Variants in ANLN observed in about 807,000 individuals in gnomAD.
ANLN encodes anillin, actin binding protein.
A neutral mutation model predicts 135.1 loss-of-function variants in ANLN; 59 were observed. The ratio of observed to expected loss-of-function variants is 0.44; its 90% confidence interval spans 0.35 to 0.54. The LOEUF is 0.54. ANLN is among the 20% of genes least tolerant of loss of function. The pLI is 0.00. For missense variants in ANLN, 1,182 were observed against 1,340.0 expected, an observed-to-expected ratio of 0.88 and a Z score of 1.84; for synonymous variants, 406 against 456.4, an observed-to-expected ratio of 0.89 and a Z score of 1.41.
At chr7:36,451,063 A>T (rs1244733558) in intron 23 of ANLN, among the ~76,000 whole-genome samples, 1 of 152,208 alleles carries the variant, frequency 6.6e-6, no homozygotes, top group Non-Finnish European at 1.5e-5. Context: ...AGAGTAGTAC[A>T]TTCTCAATTC....
chr7:36,422,544 A>G (rs1247677248), intron 13 of ANLN, 89 bp from the exon 14 acceptor site: 3 of 1,162,554 alleles, frequency 2.6e-6, no homozygotes, highest in Non-Finnish European at 3.6e-6. Context: ...TGTTACGTAC[A>G]GTTTCCATAT....
chr7:36,446,960 G>A (rs1789026541), intron 22 of ANLN, among the ~76,000 whole-genome samples: 1 of 152,148 alleles, frequency 6.6e-6, no homozygotes, highest in African/African-American at 2.4e-5. Flanking sequence ...ATGGAGTAAT[G>A]TATAGTAGTT....
chr7:36,413,841 A>AAAATTAGCCAGGC (rs1233753199), intron 7 of ANLN, among the ~76,000 whole-genome samples: 2 of 152,088 alleles, frequency 1.3e-5, no homozygotes, highest in African/African-American at 4.8e-5. Flanking sequence ...AAATACAAAA[A>AAAATTAGCCAGGC]AAATTAGCCA....
chr7:36,417,200 T>C lies in ANLN; in HGVS notation c.1633+10T>C. ...GTTGAGCAGAAAATTGGTTGGTTTT[T>C]ATTCTTTATTTATTATTAACTTTGC... On this transcript the variant is annotated intron_variant, in intron 9 of 23. Transcript: ENST00000265748. 1 of 1,474,658 alleles carries C rather than the reference T, an allele frequency of 6.8e-7. No individual in the cohort carries two copies. Among genetic ancestry groups the C allele is most frequent in the African/African-American group, 1.4e-5 (1 of 71,098 alleles). 91.3% of individuals were successfully genotyped at this position (1,474,658 alleles called of 1,614,324 possible). A position where few individuals can be genotyped will look rare whatever the true frequency, so the allele number is the denominator to read the frequency against.
In ANLN at chr7:36,406,434, G is replaced by T. The variant is rs771789004; in HGVS notation, c.741G>T (p.Arg247Ser). ...KFSSASGASA[R>S]INSSSVKQEA... ...CCTCTGCAAGTGGAGCATCTGCTAG[G>T]ATCAATAGCAGCAGTGTTAAGCAGG... The change falls in exon 4 of 24, where the codon AGG becomes AGT. Residue 247 changes from arginine (R) to serine (S), a missense_variant. By Grantham distance (110) the Arg-to-Ser change is moderately radical (BLOSUM62 -1). Around this residue, in one of 3 missense-constraint regions of ANLN, gnomAD observed 1,022 missense variants for 1,134.0 expected, o/e 0.90. Transcript: ENST00000265748. 6.2e-7 allele frequency: 1 copy of T among 1,613,526 alleles called. No individual in the cohort carries two copies. The highest frequency in any genetic ancestry group is 1.7e-5 in the Admixed American group (1 of 60,002).
Position 36,415,897 on chromosome 7 carries a change from A to G in ANLN, c.1522+13A>G, listed in dbSNP as rs1405737657. On this transcript the variant is annotated intron_variant, in intron 8 of 23. Coordinates refer to ENST00000265748, the MANE Select transcript of ANLN (RefSeq NM_018685.5). ...ACAGAACCTAAAGGTCAGTGTTTCC[A>G]GATTGTTCATGGTTAGTATGTAGAA... 3.2e-6 allele frequency: 5 copies of G among 1,569,220 alleles called. No homozygotes were observed. The highest frequency in any genetic ancestry group is 1.2e-5 in the South Asian group (1 of 83,314).
intron 2 of ANLN, 48 bp from the exon 3 acceptor site, chr7:36,399,031 G>A (rs557548095): frequency 2.7e-6 from 4 of 1,499,442 alleles, no homozygotes; most frequent in Middle Eastern, 1.9e-4. Flanking sequence ...AGTTTTTCAT[G>A]TGAGAAATTA....
intron 1 of ANLN, chr7:36,390,411 G>T: frequency 3.4e-6 from 1 of 291,866 alleles, no homozygotes; most frequent in Non-Finnish European, 6.5e-6. Flanking sequence ...ATGCCCTGCA[G>T]GGCGGGGTCC....
At chr7:36,414,728 T>A (rs536828936) in intron 7 of ANLN, among the ~76,000 whole-genome samples, 1 of 152,242 alleles carries the variant, frequency 6.6e-6, no homozygotes, top group Non-Finnish European at 1.5e-5. Flanking sequence ...TATTTTTTAA[T>A]CCACTCATCT....
At chr7:36,418,790 G>A (rs1260438674) in intron 9 of ANLN, among the ~76,000 whole-genome samples, 1 of 122,654 alleles carries the variant, frequency 8.2e-6, no homozygotes. Context: ...TTTCACTCTT[G>A]TCCCCCAGGC....
Position 36,389,872 on chromosome 7 carries a change from C to T in ANLN, c.-155C>T, listed in dbSNP as rs945979002. The T allele has an allele frequency of 7.3e-6, 10 of 1,373,038 alleles. No homozygotes were observed. Among genetic ancestry groups the T allele is most frequent in the East Asian group, 2.4e-5 (1 of 42,454 alleles). The allele number at this position is 1,373,038 out of a possible 1,614,324, so 85.1% of individuals were successfully genotyped here. ...ACGGCTGCAGAGGCCGAGTCCGTCA[C>T]TGGAAGCCGAGAGGAGAGGACAGCT... is the stretch of plus-strand genomic sequence containing the variant. On this transcript the variant is annotated 5_prime_UTR_variant, in exon 1 of 24. Transcript: ENST00000265748.
At chr7:36,410,339 T>C (rs1399029553) in intron 5 of ANLN, among the ~76,000 whole-genome samples, 175 bp from the exon 6 acceptor site, 2 of 152,120 alleles carry the variant, frequency 1.3e-5, no homozygotes, top group East Asian at 3.8e-4. Context: ...TGTACTTAAA[T>C]AGAATAGTAA....
At chr7:36,408,317 C>T (rs1787274802) in intron 5 of ANLN, among the ~76,000 whole-genome samples, 1 of 152,084 alleles carries the variant, frequency 6.6e-6, no homozygotes, top group South Asian at 2.1e-4. Context: ...CAGAGCAGTG[C>T]TTCTCAATCT....
At chr7:36,414,869 A>G (rs2116625640) in intron 7 of ANLN, among the ~76,000 whole-genome samples, 1 of 152,306 alleles carries the variant, frequency 6.6e-6, no homozygotes, top group Middle Eastern at 3.4e-3. Context: ...AACTGTGTGC[A>G]AGATACTTAA....
chr7:36,406,593 G>A, intron 4 of ANLN, 27 bp downstream of exon 4: 1 of 1,467,864 alleles, frequency 6.8e-7, no homozygotes, highest in Non-Finnish European at 9.0e-7. Context: ...TTGGTCTTTG[G>A]AAGCCTTTTC....
At chr7:36,437,836 A>G (rs561143587) in intron 20 of ANLN, among the ~76,000 whole-genome samples, 1 of 152,242 alleles carries the variant, frequency 6.6e-6, no homozygotes, top group East Asian at 1.9e-4. Context: ...CAATGGCACA[A>G]TCTTGGCACA....
intron 22 of ANLN, among the ~76,000 whole-genome samples, chr7:36,446,170 G>T (rs1047040604): frequency 3.3e-5 from 5 of 152,130 alleles, no homozygotes; most frequent in African/African-American, 1.2e-4. Flanking sequence ...AAGGTAATCA[G>T]ACCTGCTAGT....
At chr7:36,422,525 C>T (rs1029306544) in intron 13 of ANLN, 108 bp from the exon 14 acceptor site, 62 of 934,840 alleles carry the variant, frequency 6.6e-5, no homozygotes, top group Non-Finnish European at 9.2e-5. Flanking sequence ...TTACTGATTT[C>T]GTCTTCGCTG....
intron 9 of ANLN, 150 bp downstream of exon 9, chr7:36,417,340 A>G: frequency 1.8e-6 from 1 of 562,754 alleles, no homozygotes; most frequent in Non-Finnish European, 3.1e-6. Flanking sequence ...GGTACTGTTA[A>G]CAGTTACTGC....
Sources: gnomAD v4.1 joint callset for allele counts (sites outside exome capture counted in the v4.1 genomes callset) on GRCh38, gnomAD v4.1.1 for gene constraint, gnomAD v4.1.1 regional missense constraint, MANE v1.5 for transcripts, NCBI Gene and HGNC (gene_info 2026-07-23, HGNC 2026-07-21) for gene names.